Variants in NAV1 observed in about 807,000 individuals in gnomAD.
NAV1 encodes neuron navigator 1, also known as pore membrane and/or filament interacting like protein 3.
Under a neutral mutation model 175.2 loss-of-function variants are expected in NAV1, and 18 were observed. That is an observed-to-expected ratio of 0.10 (90% CI 0.07 to 0.15). NAV1 has a LOEUF of 0.15. Ranked by LOEUF, NAV1 falls within the 10% of genes least tolerant of loss-of-function variation. NAV1 has a pLI of 1.00. For synonymous variants in NAV1, 897 were observed against 978.7 expected (o/e 0.92, Z 1.56); for missense variants, 1,731 against 2,436.6 (o/e 0.71, Z 6.10).
chr1:201,660,449 C>A (rs1219919301), intron 1 of NAV1, among the ~76,000 whole-genome samples: 1 of 152,178 alleles, frequency 6.6e-6, no homozygotes, highest in African/African-American at 2.4e-5. Context: ...CTACTTGGCA[C>A]CCCAGGACTC....
At chr1:201,674,520 C>T (rs1314470916) in intron 1 of NAV1, among the ~76,000 whole-genome samples, 1 of 152,132 alleles carries the variant, frequency 6.6e-6, no homozygotes, top group Non-Finnish European at 1.5e-5. Context: ...TAAAGAAATA[C>T]CAGAGGCTGG....
chr1:201,614,658 G>T (rs867473499), intron 2 of NAV1, among the ~76,000 whole-genome samples: 100 of 152,324 alleles, frequency 6.6e-4, no homozygotes, highest in African/African-American at 2.2e-3. Context: ...TCCTGATGGG[G>T]CGGGGCCTGG....
intron 1 of NAV1, among the ~76,000 whole-genome samples, chr1:201,667,432 C>T (rs1235520907): frequency 1.3e-5 from 2 of 152,184 alleles, no homozygotes; most frequent in Non-Finnish European, 2.9e-5. Context: ...GTGGGATCAT[C>T]ATCCCATCCC....
intron 1 of NAV1, among the ~76,000 whole-genome samples, chr1:201,671,045 G>T (rs1159387862): frequency 6.6e-6 from 1 of 152,176 alleles, no homozygotes; most frequent in African/African-American, 2.4e-5. Flanking sequence ...TATGGCAGTT[G>T]TGATGCTGGT....
At chr1:201,674,166 AG>A (rs1266358327) in intron 1 of NAV1, 1 of 152,126 alleles carries the variant, frequency 6.6e-6, no homozygotes, top group Non-Finnish European at 1.5e-5. Flanking sequence ...GCTAAGGTGT[AG>A]GGCCCTCCTT....
In NAV1 at chr1:201,797,900, T is replaced by G. The variant is rs372875909; in HGVS notation, c.3517+3323T>G. 3 of 152,362 alleles carry G rather than the reference T, an allele frequency of 2.0e-5. No individual in the cohort carries two copies. In the East Asian group the frequency reaches 5.8e-4, roughly 29 times the overall value. 9.4% of individuals were successfully genotyped at this position (152,362 alleles called of 1,614,324 possible). A position where few individuals can be genotyped will look rare whatever the true frequency, so the allele number is the denominator to read the frequency against. On this transcript the variant is annotated intron_variant, in intron 15 of 29. Transcript: ENST00000367296. ...TTTACAATCTCTTCTTAATCTGTAT[T>G]TCTATCCATATCAGTCTCCTGAGTT...
intron 1 of NAV1, among the ~76,000 whole-genome samples, chr1:201,654,734 A>C (rs1669334515): frequency 6.6e-6 from 1 of 152,194 alleles, no homozygotes; most frequent in South Asian, 2.1e-4. Flanking sequence ...ATAGAATCCT[A>C]GAATGGAAAT....
intron 1 of NAV1, among the ~76,000 whole-genome samples, chr1:201,683,530 T>C (rs1670550690): frequency 7.9e-6 from 1 of 126,622 alleles, no homozygotes. Context: ...GAGAATCTAA[T>C]GCTGCTGCTG....
At chr1:201,662,292 G>A (rs189064806) in intron 1 of NAV1, among the ~76,000 whole-genome samples, 2 of 152,366 alleles carry the variant, frequency 1.3e-5, no homozygotes, top group Admixed American at 6.5e-5. Flanking sequence ...GGTACCTGCC[G>A]CAGGCTGAGG....
At chr1:201,544,248 G>A (rs1665603190) in intron 1 of NAV1, among the ~76,000 whole-genome samples, 1 of 152,220 alleles carries the variant, frequency 6.6e-6, no homozygotes, top group African/African-American at 2.4e-5. Flanking sequence ...TTGATGCACT[G>A]TGAGGGTTAG....
intron 3 of NAV1, among the ~76,000 whole-genome samples, chr1:201,759,409 C>T (rs1674700847): frequency 6.6e-6 from 1 of 152,204 alleles, no homozygotes. Flanking sequence ...GGCCATCACC[C>T]AGGCTTCAGC....
At chr1:201,753,150 G>A (rs1325367749) in intron 3 of NAV1, among the ~76,000 whole-genome samples, 1 of 152,264 alleles carries the variant, frequency 6.6e-6, no homozygotes, top group Non-Finnish European at 1.5e-5. Flanking sequence ...CTAAGGAAGA[G>A]CATTCACATA....
At chr1:201,642,588 C>T (rs1030785988) in intron 2 of NAV1, among the ~76,000 whole-genome samples, 6 of 101,936 alleles carry the variant, frequency 5.9e-5, no homozygotes, top group African/African-American at 2.4e-4. Flanking sequence ...CTCTTTCTTT[C>T]TTCCTTCCTC....
chr1:201,640,763 G>A (rs921585153), intron 2 of NAV1, among the ~76,000 whole-genome samples: 16 of 152,132 alleles, frequency 1.1e-4, no homozygotes, highest in African/African-American at 1.9e-4. Context: ...GTCTTGCCAC[G>A]GGGTATTAAG....
chr1:201,783,641 G>A lies in NAV1; in HGVS notation c.2593G>A (p.Gly865Ser), dbSNP rs867490577. 21 of 1,614,074 alleles carry A rather than the reference G, an allele frequency of 1.3e-5. No homozygotes were observed. The highest frequency in any genetic ancestry group is 3.3e-4 in the Middle Eastern group (2 of 6,084). The change falls in exon 7 of 30, where the codon GGT becomes AGT. Residue 865 changes from glycine to serine, a missense_variant. Gly to Ser is a moderately conservative substitution (Grantham distance 56). Around this residue, in one of 13 missense-constraint regions of NAV1, gnomAD observed 634 missense variants for 766.8 expected, o/e 0.83. Coordinates refer to ENST00000367296, the Ensembl canonical transcript of NAV1. ...CTCCCAGGGCCTGGAGCTAATGAGT[G>A]GTTTCAGTGTGCCAAAAGAGACCCG...
At chr1:201,568,745 C>G (rs896001296) in intron 1 of NAV1, among the ~76,000 whole-genome samples, 1 of 152,164 alleles carries the variant, frequency 6.6e-6, no homozygotes. Flanking sequence ...CAGCGCCTGT[C>G]CCACAGTATG....
chr1:201,581,812 T>G (rs1222961770), intron 1 of NAV1, among the ~76,000 whole-genome samples: 1 of 149,176 alleles, frequency 6.7e-6, no homozygotes, highest in African/African-American at 2.5e-5. Flanking sequence ...CTGGACGATA[T>G]AGCCAGGCTC....
chr1:201,557,166 C>A (rs541897923), intron 1 of NAV1, among the ~76,000 whole-genome samples: 1 of 152,338 alleles, frequency 6.6e-6, no homozygotes, highest in African/African-American at 2.4e-5. Flanking sequence ...TGAAATGCCA[C>A]ATTTCAGCCC....
chr1:201,661,169 T>A (rs993760636), intron 1 of NAV1, among the ~76,000 whole-genome samples: 1 of 152,180 alleles, frequency 6.6e-6, no homozygotes, highest in African/African-American at 2.4e-5. Flanking sequence ...CTTGCACAAG[T>A]AGCAACTCAC....
Sources: allele counts gnomAD v4.1 joint callset (sites outside exome capture counted in the v4.1 genomes callset), GRCh38; gene constraint gnomAD v4.1.1; regional missense constraint gnomAD v4.1.1; transcripts MANE v1.5; gene names NCBI Gene and HGNC (gene_info 2026-07-23, HGNC 2026-07-21).